The following DHRSX variants were observed in gnomAD, a reference collection of about 807,000 sequenced individuals.
DHRSX encodes the protein dehydrogenase/reductase X-linked.
Under a neutral mutation model 34.0 loss-of-function variants are expected in DHRSX, and 31 were observed. The observed-to-expected ratio is 0.91, with a 90% CI of 0.69 to 1.23. The LOEUF (loss-of-function observed/expected upper bound fraction) is 1.23, where lower values mean the gene tolerates loss of function less well. DHRSX is among the 50% of genes most tolerant of loss of function. The probability of loss-of-function intolerance (pLI) is 0.00; values close to 1 mark genes in which losing one functional copy is unlikely to be tolerated. For synonymous variants in DHRSX, 201 were observed against 183.8 expected (o/e 1.09, Z -0.76); for missense variants, 414 against 428.1 (o/e 0.97, Z 0.29).
rs924311835 is a variant in DHRSX at position 2,374,897 on chromosome X, C to A, written c.286+33848G>T. On this transcript the variant is annotated intron_variant, in intron 3 of 6. Coordinates refer to ENST00000334651, the MANE Select transcript of DHRSX (RefSeq NM_145177.3). ...GACCACCCAGGGCAAGATAGTGAGA[C>A]CCTGTCTCTATAAAAAATAAAAATA... Among the ~76,000 whole-genome samples, 6 of 136,976 alleles carry A rather than the reference C, an allele frequency of 4.4e-5. 1 individual carries two copies. The highest frequency in any genetic ancestry group is 8.6e-5 in the Non-Finnish European group (5 of 58,058). 89.9% of individuals were successfully genotyped at this position (136,976 alleles called of 152,430 possible). A position where few individuals can be genotyped will look rare whatever the true frequency, so the allele number is the denominator to read the frequency against.
At chrX:2,324,991 G>A (rs1385636593) in intron 3 of DHRSX, among the ~76,000 whole-genome samples, 2 of 148,476 alleles carry the variant, frequency 1.3e-5, no homozygotes, top group African/African-American at 5.0e-5. Context: ...GGTCAGGCTC[G>A]TCTCGAACCC....
chrX:2,269,969 G>T (rs894627969), intron 4 of DHRSX, among the ~76,000 whole-genome samples: 1 of 152,146 alleles, frequency 6.6e-6, no homozygotes, highest in Non-Finnish European at 1.5e-5. Context: ...ACACGTGCTT[G>T]TGTTTGTGTG....
At chrX:2,474,669 G>A (rs1241466231) in intron 1 of DHRSX, among the ~76,000 whole-genome samples, 2 of 139,922 alleles carry the variant, frequency 1.4e-5, no homozygotes, top group African/African-American at 2.7e-5. Flanking sequence ...GACCACTGCT[G>A]TGCACACACT....
At chrX:2,363,382 TGCC>T (rs1361889974) in intron 3 of DHRSX, among the ~76,000 whole-genome samples, 2 of 148,016 alleles carry the variant, frequency 1.4e-5, no homozygotes, top group African/African-American at 5.1e-5. Flanking sequence ...TATGGTGTCA[TGCC>T]GCCATTTTAT....
At chrX:2,366,512 C>G (rs1267218718) in intron 3 of DHRSX, among the ~76,000 whole-genome samples, 1 of 152,050 alleles carries the variant, frequency 6.6e-6, no homozygotes, top group Admixed American at 6.6e-5. Flanking sequence ...TTTATACCCT[C>G]TAATATTTAA....
At chrX:2,464,609 G>A (rs1222972449) in intron 1 of DHRSX, among the ~76,000 whole-genome samples, 14 of 151,350 alleles carry the variant, frequency 9.3e-5, no homozygotes, top group Non-Finnish European at 1.5e-4. Context: ...CAGCTGCCGT[G>A]TGCACACTGA....
At chrX:2,236,291 G>A (rs937144201) in intron 6 of DHRSX, among the ~76,000 whole-genome samples, 8 of 152,102 alleles carry the variant, frequency 5.3e-5, no homozygotes, top group Admixed American at 2.6e-4. Flanking sequence ...AGGTTTTGGC[G>A]CAGGCCTGAA....
At chrX:2,421,713 G>A (rs2043782407) in intron 2 of DHRSX, among the ~76,000 whole-genome samples, 1 of 152,198 alleles carries the variant, frequency 6.6e-6, no homozygotes, top group Non-Finnish European at 1.5e-5. Flanking sequence ...AACTGCCATG[G>A]AGATTTTTGG....
chrX:2,357,700 T>TAAAAAAAAAAA (rs781233833), intron 3 of DHRSX, among the ~76,000 whole-genome samples: 1 of 125,168 alleles, frequency 8.0e-6, no homozygotes, highest in Non-Finnish European at 1.7e-5. Context: ...CTCAGGAAAT[T>TAAAAAAAAAAA]AAAAAAAAAA....
intron 5 of DHRSX, among the ~76,000 whole-genome samples, chrX:2,253,437 TCGC>T (rs2016487992): frequency 1.4e-5 from 1 of 70,648 alleles, no homozygotes; most frequent in African/African-American, 5.7e-5. Context: ...AGCCAAGATG[TCGC>T]GGCCGCACTG....
chrX:2,358,847 G>A lies in DHRSX; in HGVS notation c.286+49898C>T, dbSNP rs749288788. 3.9e-4 allele frequency among the ~76,000 whole-genome samples: 59 copies of A among 152,030 alleles called. 1 individual carries two copies. The highest frequency in any genetic ancestry group is 1.4e-3 in the African/African-American group (58 of 41,482). ...GTCAAAAACCAAAGCTACTTGCGAG[G>A]CTGAGGCAGGAGAATGGCGTGAACC... On this transcript the variant is annotated intron_variant, in intron 3 of 6. Transcript: ENST00000334651.
intron 1 of DHRSX, among the ~76,000 whole-genome samples, chrX:2,466,849 T>G (rs1365312659): frequency 6.6e-6 from 1 of 152,218 alleles, no homozygotes; most frequent in East Asian, 1.9e-4. Flanking sequence ...GTGGATCACC[T>G]GAGGCAAGGA....
chrX:2,367,287 AATTAG>A (rs2043005182), intron 3 of DHRSX, among the ~76,000 whole-genome samples: 1 of 151,898 alleles, frequency 6.6e-6, no homozygotes, highest in Non-Finnish European at 1.5e-5. Flanking sequence ...AAAATACAAA[AATTAG>A]CCACGCGTGG....
chrX:2,364,488 A>G (rs997045974), intron 3 of DHRSX, among the ~76,000 whole-genome samples: 3 of 152,138 alleles, frequency 2.0e-5, no homozygotes, highest in Non-Finnish European at 2.9e-5. Context: ...TGTGCCTATC[A>G]TCCAACTCAC....
At chrX:2,229,772 C>T (rs1312013879) in intron 6 of DHRSX, among the ~76,000 whole-genome samples, 1 of 151,604 alleles carries the variant, frequency 6.6e-6, no homozygotes, top group Non-Finnish European at 1.5e-5. Flanking sequence ...TGTGGGGGCG[C>T]AGATGTGCGG....
At chrX:2,230,135 G>A (rs2015839785) in intron 6 of DHRSX, among the ~76,000 whole-genome samples, 1 of 152,210 alleles carries the variant, frequency 6.6e-6, no homozygotes, top group Non-Finnish European at 1.5e-5. Flanking sequence ...ACGTGAGCAT[G>A]TGTGCACATA....
intron 1 of DHRSX, among the ~76,000 whole-genome samples, chrX:2,437,612 A>G (rs1047308649): frequency 7.8e-4 from 46 of 59,140 alleles, no homozygotes; most frequent in African/African-American, 2.7e-3. Flanking sequence ...TCAAAAAAAA[A>G]AGAAGAAGAA....
chrX:2,300,552 G>T (rs1354282307), intron 3 of DHRSX, among the ~76,000 whole-genome samples: 1 of 152,152 alleles, frequency 6.6e-6, no homozygotes, highest in Non-Finnish European at 1.5e-5. Context: ...TGCCAGCACA[G>T]CACATTCAAA....
At chrX:2,454,321 G>A (rs1169980917) in intron 1 of DHRSX, among the ~76,000 whole-genome samples, 1 of 152,030 alleles carries the variant, frequency 6.6e-6, no homozygotes, top group East Asian at 1.9e-4. Context: ...GAGGTCAGGA[G>A]TTCCAGACCA....
Sources: allele counts gnomAD v4.1 joint callset (sites outside exome capture counted in the v4.1 genomes callset), GRCh38; gene constraint gnomAD v4.1.1; transcripts MANE v1.5; gene names NCBI Gene and HGNC (gene_info 2026-07-23, HGNC 2026-07-21).